The following PML variants were observed in gnomAD, a reference collection of about 807,000 sequenced individuals.
PML encodes PML nuclear body scaffold.
Under a neutral mutation model 65.2 loss-of-function variants are expected in PML, and 28 were observed. The ratio of observed to expected loss-of-function variants is 0.43; its 90% CI spans 0.32 to 0.59. The LOEUF (loss-of-function observed/expected upper bound fraction) is 0.59. Among genes scored for constraint, PML ranks in the 20% least tolerant of loss-of-function variants. PML has a pLI of 0.08. For missense variants in PML, 1,021 were observed against 1,203.4 expected (o/e 0.85, Z 2.24); for synonymous variants, 500 against 508.8 (o/e 0.98, Z 0.23).
At chr15:73,999,834 ATTTTTTTTTTTT>A (rs368015472) in intron 2 of PML, among the ~76,000 whole-genome samples, 2 of 135,784 alleles carry the variant, frequency 1.5e-5, no homozygotes. Flanking sequence ...ATTTTTTTTA[ATTTTTTTTTTTT>A]TTTTTTGAGA....
At position 74,035,047 on chromosome 15, in the gene PML, T is replaced by A; in HGVS notation, c.1710+517T>A. The A allele has an allele frequency of 2.1e-6, 3 of 1,421,644 alleles. No homozygotes were observed. The highest frequency in any genetic ancestry group is 2.3e-5 in the South Asian group (2 of 87,408). The allele number at this position is 1,421,644 out of a possible 1,614,324, so 88.1% of individuals were successfully genotyped here. On this transcript the variant is annotated intron_variant, in intron 7 of 8. Transcript: ENST00000268058. The surrounding 1 kb of genome is among the most constrained non-coding windows in gnomAD (Gnocchi z 4.1). ...GTAGTGACCCTTCTGTCCCTAGAGGTTTATTACTAGAGGCTGGACTATCAC... is the reference window on the plus strand; with the variant it reads ...GTAGTGACCCTTCTGTCCCTAGAGGATTATTACTAGAGGCTGGACTATCAC...
At chr15:74,002,774 C>G (rs2069840021) in intron 2 of PML, among the ~76,000 whole-genome samples, 2 of 152,054 alleles carry the variant, frequency 1.3e-5, no homozygotes, top group Non-Finnish European at 2.9e-5. Flanking sequence ...ACCTTTCCTT[C>G]CATTCTGTTT....
chr15:74,037,187 T>C lies in PML; in HGVS notation c.1710+2657T>C. The C allele has an allele frequency of 1.0e-6, 1 of 985,422 alleles. No individual in the cohort carries two copies. The highest frequency in any genetic ancestry group is 1.2e-6 in the Non-Finnish European group (1 of 829,924). The allele number at this position is 985,422 out of a possible 1,614,324, so 61.0% of individuals were successfully genotyped here. A position where few individuals can be genotyped will look rare whatever the true frequency, so the allele number is the denominator to read the frequency against. On this transcript the variant is annotated intron_variant, in intron 7 of 8. Coordinates refer to ENST00000268058, the MANE Select transcript of PML (RefSeq NM_033238.3). The surrounding 1 kb of genome is among the most constrained non-coding windows in gnomAD (Gnocchi z 4.2). ...GCAGGGCAGCCCCCGCCTGCCTTTC[T>C]TCACTGGGCCCTTGTCCCAGCCTCA...
At chr15:73,995,601 G>A (rs1417145369) in intron 1 of PML, among the ~76,000 whole-genome samples, 1 of 152,214 alleles carries the variant, frequency 6.6e-6, no homozygotes, top group African/African-American at 2.4e-5. Flanking sequence ...CCGTATTACA[G>A]TAACTTTTAT....
chr15:74,012,706 G>A (rs990042420), intron 2 of PML, among the ~76,000 whole-genome samples: 1 of 152,194 alleles, frequency 6.6e-6, no homozygotes, highest in Non-Finnish European at 1.5e-5. Flanking sequence ...CATCCTTCTA[G>A]TTTTGGTTCC....
chr15:74,033,834 C>T (rs1207841540), intron 6 of PML: 5 of 510,594 alleles, frequency 9.8e-6, no homozygotes, highest in African/African-American at 1.9e-5. Context: ...AGTGTTTCTG[C>T]AAAGGCCACC....
Position 74,047,034 on chromosome 15 carries a change from G to A in PML, c.*2026G>A. Reference sequence around the variant, plus strand: ...GCTTTCCTTTGGATCATCTCCAAATGGGAGTGCCATGTGGCAGGAAAGAAG... The same window carrying A: ...GCTTTCCTTTGGATCATCTCCAAATAGGAGTGCCATGTGGCAGGAAAGAAG... On this transcript the variant is annotated 3_prime_UTR_variant, in exon 9 of 9. Transcript: ENST00000268058. 2 of 230,100 alleles carry A rather than the reference G, an allele frequency of 8.7e-6. No homozygotes were observed. Among genetic ancestry groups the A allele is most frequent in the East Asian group, 6.2e-5 (1 of 16,192 alleles). The allele number at this position is 230,100 out of a possible 1,614,324, so 14.3% of individuals were successfully genotyped here.
intron 7 of PML, chr15:74,034,991 C>T (rs1165342337): frequency 6.6e-7 from 1 of 1,510,880 alleles, no homozygotes; most frequent in East Asian, 2.4e-5. Context: ...ATATATAAAT[C>T]CATTCCACAG....
rs1170463782 is a variant in PML, at chr15:74,043,780, GC to G, written c.1862-440del. 2 of 532,938 alleles carry G rather than the reference GC, an allele frequency of 3.8e-6. No individual in the cohort carries two copies. 33.0% of individuals were successfully genotyped at this position (532,938 alleles called of 1,614,324 possible). A position where few individuals can be genotyped will look rare whatever the true frequency, so the allele number is the denominator to read the frequency against. ...ACCTCAGTGGGAGGCTCTTGGCCTT[GC>G]TCTGAGTGGAGTGCTTTCTATGTCC... On this transcript the variant is annotated intron_variant, in intron 8 of 8. Transcript: ENST00000268058. This position sits in a 1 kb window ranked among gnomAD's most constrained non-coding sequence, Gnocchi z 4.3.
rs367820386 is a variant in PML, at chr15:74,044,376, A to G, written c.2017A>G (p.Ile673Val). 17 of 1,614,046 alleles carry G rather than the reference A, an allele frequency of 1.1e-5. No individual in the cohort carries two copies. Among genetic ancestry groups the G allele is most frequent in the African/African-American group, 2.7e-5 (2 of 74,932 alleles). ...CTTTCTGAGCTCCATGCGCCGCCCT[A>G]TCTTGGCCTGCTACAAGCTGTGGGG... ...LSFLSSMRRPILACYKLWGPG... is the reference protein window; with the variant it reads ...LSFLSSMRRPVLACYKLWGPG... Residue 673 changes from isoleucine (I) to valine (V), a missense_variant, in exon 9 of 9, where the codon ATC becomes GTC. Physicochemically the swap from Ile to Val is conservative, Grantham distance 29 (BLOSUM62 3). Transcript: ENST00000268058.
At position 74,002,444 on chromosome 15, in the gene PML, C is replaced by CTTTT. The variant is rs71137368; in HGVS notation, c.602+3984_602+3987dup. ...GAAACTTTCTACCTTTCTTTCTTTTCTTTTTTTTTTTTTTTTTTTGATGGA... is the reference window on the plus strand; with the variant it reads ...GAAACTTTCTACCTTTCTTTCTTTTCTTTTTTTTTTTTTTTTTTTTTTTGATGGA... On this transcript the variant is annotated intron_variant, in intron 2 of 8. Coordinates refer to ENST00000268058, the MANE Select transcript of PML (RefSeq NM_033238.3). Among the ~76,000 whole-genome samples the CTTTT allele has an allele frequency of 4.9e-4, 51 of 104,734 alleles. 1 individual carries two copies. The highest frequency in any genetic ancestry group is 5.5e-4 in the African/African-American group (15 of 27,056). 68.7% of individuals were successfully genotyped at this position (104,734 alleles called of 152,430 possible).
At chr15:74,018,409 A>T (rs2070693180) in intron 2 of PML, among the ~76,000 whole-genome samples, 1 of 152,142 alleles carries the variant, frequency 6.6e-6, no homozygotes, top group Non-Finnish European at 1.5e-5. Flanking sequence ...ATTGCCTTAA[A>T]CCTGTTTATT....
Position 74,010,185 on chromosome 15 carries a change from A to ATTTTTTTTTTTTTTTT in PML, c.602+11722_602+11737dup, listed in dbSNP as rs536738558. On this transcript the variant is annotated intron_variant, in intron 2 of 8. Coordinates refer to ENST00000268058, the MANE Select transcript of PML (RefSeq NM_033238.3). ...AGACATGCACCACCATGCCCAGCTA[A>ATTTTTTTTTTTTTTTT]TTTTTTTTTTTTTTTTTTTTTTTTT... 4.2e-4 allele frequency among the ~76,000 whole-genome samples: 33 copies of ATTTTTTTTTTTTTTTT among 77,938 alleles called. 1 individual carries two copies. The highest frequency in any genetic ancestry group is 6.4e-4 in the Non-Finnish European group (27 of 42,208). 51.1% of individuals were successfully genotyped at this position (77,938 alleles called of 152,430 possible).
intron 1 of PML, 106 bp downstream of exon 1, chr15:73,995,047 G>A (rs1412809321): frequency 2.8e-6 from 3 of 1,084,760 alleles, no homozygotes; most frequent in Non-Finnish European, 3.9e-6. Flanking sequence ...GTACCCTAGA[G>A]AGTGACACAA....
In PML at chr15:74,035,542, G is replaced by T; in HGVS notation, c.1710+1012G>T. On this transcript the variant is annotated intron_variant, in intron 7 of 8. Transcript: ENST00000268058. The surrounding 1 kb of genome is among the most constrained non-coding windows in gnomAD (Gnocchi z 4.1). The stretch of plus-strand genomic sequence containing the variant: ...TGGTCTCCCCATGTGGTCCAAGCCA[G>T]CACTCCTGCCATCACAGGGCCCCTC... The T allele has an allele frequency of 6.2e-7, 1 of 1,610,518 alleles. No homozygotes were observed.
At chr15:73,999,801 G>C (rs2069673491) in intron 2 of PML, among the ~76,000 whole-genome samples, 3 of 147,986 alleles carry the variant, frequency 2.0e-5, no homozygotes, top group Non-Finnish European at 4.5e-5. Flanking sequence ...TTTATCTCTG[G>C]TTCTATCTTT....
Position 74,044,852 on chromosome 15 carries a change from C to T in PML, c.2493C>T (p.Thr831=), listed in dbSNP as rs781405445. The T allele has an allele frequency of 6.2e-6, 10 of 1,613,514 alleles. No individual in the cohort carries two copies. The highest frequency in any genetic ancestry group is 8.5e-6 in the Non-Finnish European group (10 of 1,180,034). Residue 831 remains threonine (T), a synonymous_variant, in exon 9 of 9, where the codon ACC becomes ACT. Coordinates refer to ENST00000268058, the MANE Select transcript of PML (RefSeq NM_033238.3). ...ACAGCCGCTATCTAAGCCTGCAGAC[C>T]ACCACGTTGCCCCCTGCCCAGCCTG... ...KKYSRYLSLQ[T]TTLPPAQPAF... is the part of the protein sequence containing the mutation.
chr15:74,031,209 C>T, intron 4 of PML: 1 of 423,750 alleles, frequency 2.4e-6, no homozygotes, highest in Non-Finnish European at 4.7e-6. Flanking sequence ...CCATTCTGGG[C>T]ATTGCATGTA....
rs751608431 is a variant in PML, at chr15:74,023,251, C to T, written c.1026C>T (p.Asp342=). The change falls in exon 3 of 9, where the codon GAC becomes GAT. Residue 342 remains aspartate (D), a synonymous_variant. Transcript: ENST00000268058. ...LVQRMKCYAS[D]QEVLDMHGFL... ...AGAGGATGAAGTGCTACGCCTCGGACCAGGAGGTGCTGGACATGCACGGTT... is the reference window on the plus strand; with the variant it reads ...AGAGGATGAAGTGCTACGCCTCGGATCAGGAGGTGCTGGACATGCACGGTT... The T allele has an allele frequency of 5.1e-5, 82 of 1,610,986 alleles. 1 individual carries two copies. The highest frequency in any genetic ancestry group is 6.4e-5 in the Non-Finnish European group (76 of 1,179,618).
Sources: gnomAD v4.1 joint callset for allele counts (sites outside exome capture counted in the v4.1 genomes callset) on GRCh38, gnomAD v4.1.1 for gene constraint, Gnocchi (gnomAD v3.1) non-coding constraint, MANE v1.5 for transcripts, NCBI Gene and HGNC (gene_info 2026-07-23, HGNC 2026-07-21) for gene names.